The following ZNF592 variants were observed in gnomAD, a reference collection of about 807,000 sequenced individuals.
ZNF592 encodes the protein spinocerebellar ataxia, autosomal recessive 5.
A neutral mutation model predicts 80.3 loss-of-function variants in ZNF592; 11 were observed. The ratio of observed to expected loss-of-function variants is 0.14; its 90% CI spans 0.09 to 0.23. ZNF592 has a LOEUF of 0.23. Ranked by LOEUF, ZNF592 falls within the 10% of genes least tolerant of loss-of-function variation. The pLI is 1.00. For synonymous variants in ZNF592, 646 were observed against 640.3 expected (o/e 1.01, Z -0.13); for missense variants, 1,420 against 1,633.9 (o/e 0.87, Z 2.26).
At chr15:84,801,170 A>T (rs748617400) in intron 10 of ZNF592, among the ~76,000 whole-genome samples, 1 of 152,200 alleles carries the variant, frequency 6.6e-6, no homozygotes, top group Non-Finnish European at 1.5e-5. Context: ...TAAATAAGTA[A>T]ATAAATTAGC....
At chr15:84,760,700 G>A (rs1160886956) in intron 1 of ZNF592, among the ~76,000 whole-genome samples, 1 of 152,212 alleles carries the variant, frequency 6.6e-6, no homozygotes, top group Non-Finnish European at 1.5e-5. Context: ...GAGTAGGAGA[G>A]AAGGAGTGTG....
chr15:84,774,491 TG>T (rs1962184256), intron 2 of ZNF592, among the ~76,000 whole-genome samples: 1 of 152,242 alleles, frequency 6.6e-6, no homozygotes, highest in Admixed American at 6.5e-5. Context: ...GGTTCCCTTA[TG>T]GGTTGGAAAC....
intron 2 of ZNF592, among the ~76,000 whole-genome samples, chr15:84,776,040 A>G (rs1321280432): frequency 2.0e-5 from 3 of 152,230 alleles, no homozygotes; most frequent in Non-Finnish European, 4.4e-5. Flanking sequence ...TAATTCCACT[A>G]TCTCACCTTT....
intron 3 of ZNF592, among the ~76,000 whole-genome samples, chr15:84,780,220 C>T (rs1962382396): frequency 6.6e-6 from 1 of 152,168 alleles, no homozygotes; most frequent in African/African-American, 2.4e-5. Flanking sequence ...CTCCTGACCT[C>T]AGGTGATCCA....
At chr15:84,778,338 C>T (rs1962323333) in intron 3 of ZNF592, 26 bp downstream of exon 3, 2 of 218,288 alleles carry the variant, frequency 9.2e-6, no homozygotes, top group Non-Finnish European at 1.8e-5. Flanking sequence ...CTGGAGGAGG[C>T]GGTGTTTGAT....
intron 1 of ZNF592, among the ~76,000 whole-genome samples, chr15:84,764,199 T>C (rs2141967091): frequency 6.6e-6 from 1 of 152,332 alleles, no homozygotes; most frequent in African/African-American, 2.4e-5. Context: ...CCGGCTTTAC[T>C]TCCCTTGTCT....
At chr15:84,753,791 G>A (rs1176298926) in intron 1 of ZNF592, among the ~76,000 whole-genome samples, 1 of 152,118 alleles carries the variant, frequency 6.6e-6, no homozygotes, top group Admixed American at 6.6e-5. Flanking sequence ...ATCTTTACAT[G>A]TAAGTTTGTT....
At chr15:84,760,745 C>T in intron 1 of ZNF592, among the ~76,000 whole-genome samples, 1 of 152,258 alleles carries the variant, frequency 6.6e-6, no homozygotes, top group Non-Finnish European at 1.5e-5. Flanking sequence ...AGAGGATGCT[C>T]TCAGTAGGAA....
rs528912744 is a variant in ZNF592 at position 84,797,295 on chromosome 15, A to G, written c.2400-574A>G. Among the ~76,000 whole-genome samples, 8 of 152,260 alleles carry G rather than the reference A, an allele frequency of 5.3e-5. No individual in the cohort carries two copies. In the East Asian group the frequency reaches 7.7e-4, roughly 15 times the overall value. ...TATTGACCATTCCTTCATCACAGCAAGTTCCACTGGACAACACTATAGAGT... is the reference window on the plus strand; with the variant it reads ...TATTGACCATTCCTTCATCACAGCAGGTTCCACTGGACAACACTATAGAGT... On this transcript the variant is annotated intron_variant, in intron 5 of 10. Coordinates refer to ENST00000560079, the MANE Select transcript of ZNF592 (RefSeq NM_014630.3).
chr15:84,799,808 G>T lies in ZNF592; in HGVS notation c.3138-34G>T, dbSNP rs1054522370. 2.2e-5 allele frequency: 35 copies of T among 1,612,782 alleles called. No homozygotes were observed. Among genetic ancestry groups the T allele is most frequent in the African/African-American group, 4.0e-5 (3 of 74,942 alleles). ...AGCACTGAGGGAGCCTGCGGCCCGG[G>T]CACTTACCTGACCTCTCCGCTGTGC... On this transcript the variant is annotated intron_variant, in intron 9 of 10. Coordinates refer to ENST00000560079, the MANE Select transcript of ZNF592 (RefSeq NM_014630.3). This position sits in a 1 kb window ranked among gnomAD's most constrained non-coding sequence, Gnocchi z 4.2.
rs770887982 is a variant in ZNF592 at position 84,799,938 on chromosome 15, G to C, written c.3234G>C (p.Gln1078His). The part of the protein sequence containing the change: ...MHGIRNPDLS[Q>H]TSKVKPPGGH... ...GCATCAGAAACCCTGATTTGAGCCA[G>C]ACGTCCAAAGTGAAACCTCCGGGTG... The change falls in exon 10 of 11, where the codon CAG (glutamine) becomes CAC (histidine). Residue 1078 changes from glutamine (Q) to histidine (H), a missense_variant. By Grantham distance (24) the Gln-to-His change is conservative. This residue lies in a region of ZNF592 where 331 missense variants were observed against 347.0 expected (regional missense o/e 0.95). Coordinates refer to ENST00000560079, the MANE Select transcript of ZNF592 (RefSeq NM_014630.3). This position sits in a 1 kb window ranked among gnomAD's most constrained non-coding sequence, Gnocchi z 4.2. 2 of 1,614,232 alleles carry C rather than the reference G, an allele frequency of 1.2e-6. No homozygotes were observed. The highest frequency in any genetic ancestry group is 2.2e-5 in the South Asian group (2 of 91,088).
intron 4 of ZNF592, among the ~76,000 whole-genome samples, chr15:84,789,779 A>G (rs1163899076): frequency 6.6e-6 from 1 of 152,182 alleles, no homozygotes; most frequent in Non-Finnish European, 1.5e-5. Flanking sequence ...GCTGGCTTCT[A>G]TATCCCTCTA....
At chr15:84,788,780 T>C (rs530309507) in intron 4 of ZNF592, among the ~76,000 whole-genome samples, 107 of 152,340 alleles carry the variant, frequency 7.0e-4, no homozygotes, top group African/African-American at 2.5e-3. Context: ...ACCACCCTTA[T>C]GTTTTCTGTC....
chr15:84,775,206 C>T (rs1002399713), intron 2 of ZNF592, among the ~76,000 whole-genome samples: 6 of 152,106 alleles, frequency 3.9e-5, no homozygotes, highest in Admixed American at 2.0e-4. Flanking sequence ...AGCGATTCTC[C>T]GGTCTCAGCC....
At chr15:84,790,623 A>G (rs1596129052) in intron 4 of ZNF592, 82 bp from the exon 5 acceptor site, 1 of 1,437,422 alleles carries the variant, frequency 7.0e-7, no homozygotes, top group Non-Finnish European at 9.8e-7. Context: ...TGACCCATGT[A>G]CTAGCAAACC....
intron 1 of ZNF592, among the ~76,000 whole-genome samples, chr15:84,758,472 A>G (rs945172351): frequency 2.6e-5 from 4 of 151,878 alleles, no homozygotes; most frequent in Non-Finnish European, 5.9e-5. Context: ...TTTTGTAGAG[A>G]TGGGGTTTTG....
intron 2 of ZNF592, among the ~76,000 whole-genome samples, chr15:84,772,533 G>C (rs543631197): frequency 2.0e-4 from 31 of 152,238 alleles, no homozygotes; most frequent in African/African-American, 7.0e-4. Context: ...CTGGGCAACA[G>C]AGTGAGACCC....
At chr15:84,767,063 C>T (rs532838800) in intron 2 of ZNF592, among the ~76,000 whole-genome samples, 21 of 152,226 alleles carry the variant, frequency 1.4e-4, no homozygotes, top group South Asian at 8.3e-4. Flanking sequence ...GGCGTGATCT[C>T]GGCTCACTAC....
At chr15:84,800,556 G>A (rs1450989145) in intron 10 of ZNF592, among the ~76,000 whole-genome samples, 3 of 152,190 alleles carry the variant, frequency 2.0e-5, no homozygotes, top group Non-Finnish European at 4.4e-5. Context: ...AGGGTCAGGT[G>A]TGTCTGGGAA....
Sources: gnomAD v4.1 joint callset for allele counts (sites outside exome capture counted in the v4.1 genomes callset) on GRCh38, gnomAD v4.1.1 for gene constraint, gnomAD v4.1.1 regional missense constraint, Gnocchi (gnomAD v3.1) non-coding constraint, MANE v1.5 for transcripts, NCBI Gene and HGNC (gene_info 2026-07-23, HGNC 2026-07-21) for gene names.